Variants in TEKT5 observed in about 807,000 individuals in gnomAD.
TEKT5 encodes tektin-5.
Under a neutral mutation model 48.7 loss-of-function variants are expected in TEKT5, and 52 were observed. The ratio of observed to expected loss-of-function variants is 1.07; its 90% CI spans 0.86 to 1.35. TEKT5 has a LOEUF of 1.35. Among genes scored for constraint, TEKT5 ranks in the 40% most tolerant of loss-of-function variants. TEKT5 has a pLI of 0.00. For missense variants in TEKT5, 831 were observed against 641.6 expected (o/e 1.30, Z -3.19); for synonymous variants, 318 against 267.6 (o/e 1.19, Z -1.84).
chr16:10,635,900 G>C lies in TEKT5; in HGVS notation c.1105C>G (p.Gln369Glu), dbSNP rs1897906333. The C allele has an allele frequency of 6.2e-7, 1 of 1,613,848 alleles. No individual in the cohort carries two copies. Among genetic ancestry groups the C allele is most frequent in the Admixed American group, 1.7e-5 (1 of 60,006 alleles). ...AGCAGCATGATGGTGTTCTCGGCCT[G>C]GAAGATCTCCTGCAGCGTCTGCGAG... ...QLAKTLQEIF[Q>E]AENTIMLLER... Residue 369 changes from glutamine to glutamate, a missense_variant, in exon 6 of 7, where the codon CAG (glutamine) becomes GAG (glutamate). Coordinates refer to ENST00000283025, the MANE Select transcript of TEKT5 (RefSeq NM_144674.2).
At chr16:10,640,556 T>A (rs953244129) in intron 5 of TEKT5, among the ~76,000 whole-genome samples, 1 of 152,206 alleles carries the variant, frequency 6.6e-6, no homozygotes, top group Non-Finnish European at 1.5e-5. Context: ...ATCATCACCA[T>A]AATCAAGATA....
chr16:10,662,658 C>T (rs1381889185), intron 5 of TEKT5, among the ~76,000 whole-genome samples: 1 of 152,192 alleles, frequency 6.6e-6, no homozygotes, highest in African/African-American at 2.4e-5. Flanking sequence ...CTTTCTTTAC[C>T]CATGACTATC....
At chr16:10,660,897 C>T (rs187483358) in intron 5 of TEKT5, among the ~76,000 whole-genome samples, 75 of 152,188 alleles carry the variant, frequency 4.9e-4, no homozygotes, top group African/African-American at 1.8e-3. Flanking sequence ...GATGTGGTTT[C>T]GCCATGTTGG....
chr16:10,633,481 G>A (rs1307134879), intron 6 of TEKT5, among the ~76,000 whole-genome samples: 3 of 152,130 alleles, frequency 2.0e-5, no homozygotes, highest in Admixed American at 2.0e-4. Context: ...GCAGAGCCCA[G>A]CCCCCACTCT....
intron 5 of TEKT5, among the ~76,000 whole-genome samples, chr16:10,655,332 A>C (rs1274647878): frequency 6.6e-6 from 1 of 152,186 alleles, no homozygotes; most frequent in Non-Finnish European, 1.5e-5. Flanking sequence ...AACCCACCGG[A>C]ACTCCTGGTT....
chr16:10,678,374 G>C (rs538202897), intron 4 of TEKT5, among the ~76,000 whole-genome samples: 2 of 152,224 alleles, frequency 1.3e-5, no homozygotes, highest in South Asian at 4.2e-4. Context: ...TGGAATTACG[G>C]GTCTGAGCCA....
intron 4 of TEKT5, among the ~76,000 whole-genome samples, chr16:10,681,357 G>A (rs774535677): frequency 2.6e-5 from 4 of 151,138 alleles, no homozygotes; most frequent in African/African-American, 7.4e-5. Flanking sequence ...CACGTAGCCT[G>A]GCTCCAGATT....
In TEKT5 at chr16:10,649,318, C is replaced by T. The variant is rs144781043; in HGVS notation, c.1087-13400G>A. On this transcript the variant is annotated intron_variant, in intron 5 of 6. Transcript: ENST00000283025. ...TAGAGATGGGGTCTTGCTATGTTGC[C>T]CAGGCTGGTCTTGAACTCCTAGCCT... 8.5e-3 allele frequency among the ~76,000 whole-genome samples: 1,292 copies of T among 152,268 alleles called. 15 individuals are homozygous for T. Among genetic ancestry groups the T allele is most frequent in the African/African-American group, 0.029 (1,225 of 41,564 alleles).
At chr16:10,654,387 C>G (rs527935164) in intron 5 of TEKT5, among the ~76,000 whole-genome samples, 3 of 152,242 alleles carry the variant, frequency 2.0e-5, no homozygotes, top group African/African-American at 7.2e-5. Context: ...ACTGGCTTGA[C>G]TGGGTTAATT....
chr16:10,648,130 C>T (rs769616917), intron 5 of TEKT5, among the ~76,000 whole-genome samples: 7 of 152,150 alleles, frequency 4.6e-5, no homozygotes, highest in Non-Finnish European at 8.8e-5. Context: ...CAAAAAAAGG[C>T]ACCATGTCAG....
rs528991138 is a variant in TEKT5 at position 10,659,660 on chromosome 16, A to C, written c.1086+16299T>G. On this transcript the variant is annotated intron_variant, in intron 5 of 6. Transcript: ENST00000283025. Reference sequence around the variant, plus strand: ...ACAGGCGTGAGCCACCACACCTGGCAATACCTCACTTTAAAAAAAGTTTTA... The same window carrying C: ...ACAGGCGTGAGCCACCACACCTGGCCATACCTCACTTTAAAAAAAGTTTTA... Among the ~76,000 whole-genome samples the C allele has an allele frequency of 2.6e-5, 4 of 152,326 alleles. No individual in the cohort carries two copies. The East Asian group carries it at 7.7e-4, about 29-fold the overall frequency.
chr16:10,680,892 G>C (rs1467105405), intron 4 of TEKT5, among the ~76,000 whole-genome samples: 1 of 149,378 alleles, frequency 6.7e-6, no homozygotes, highest in Non-Finnish European at 1.5e-5. Flanking sequence ...ATAGCATTAG[G>C]AGATATACCT....
At chr16:10,684,185 G>C (rs1158187346) in intron 3 of TEKT5, among the ~76,000 whole-genome samples, 1 of 152,164 alleles carries the variant, frequency 6.6e-6, no homozygotes, top group Non-Finnish European at 1.5e-5. Context: ...AGAATTGTTA[G>C]AGTAGAGAAG....
chr16:10,657,394 C>G (rs1898279716), intron 5 of TEKT5, among the ~76,000 whole-genome samples: 1 of 152,170 alleles, frequency 6.6e-6, no homozygotes, highest in South Asian at 2.1e-4. Flanking sequence ...TTCCAAAGTG[C>G]TAGGATTACA....
intron 4 of TEKT5, among the ~76,000 whole-genome samples, chr16:10,676,725 A>G (rs375202859): frequency 5.3e-5 from 8 of 152,196 alleles, no homozygotes; most frequent in African/African-American, 1.4e-4. Flanking sequence ...CATTCATGGA[A>G]TATTTCTTCA....
At chr16:10,635,080 G>C (rs902825674) in intron 6 of TEKT5, among the ~76,000 whole-genome samples, 1 of 152,032 alleles carries the variant, frequency 6.6e-6, no homozygotes, top group African/African-American at 2.4e-5. Context: ...TGGCCAAGTG[G>C]TTTGCCCCAA....
intron 6 of TEKT5, 105 bp downstream of exon 6, chr16:10,635,659 G>A (rs1016154817): frequency 6.7e-6 from 10 of 1,490,386 alleles, no homozygotes; most frequent in Non-Finnish European, 9.0e-6. Context: ...ATTGAAGGAG[G>A]GTCCATTTTT....
rs142727515 is a variant in TEKT5, at chr16:10,694,636, T to C, written c.238A>G (p.Thr80Ala). 94 of 1,612,866 alleles carry C rather than the reference T, an allele frequency of 5.8e-5. No individual in the cohort carries two copies. The African/African-American group carries it at 1.1e-3, about 19-fold the overall frequency. ...CGAGAGAAGAGTGCGGAGCGCAGTGTGGGCAGGATGGTGGGCGGCCGCAGG... is the reference window on the plus strand; with the variant it reads ...CGAGAGAAGAGTGCGGAGCGCAGTGCGGGCAGGATGGTGGGCGGCCGCAGG... ...STLRPPTILP[T>A]LRSALFSRYS... The change falls in exon 1 of 7, where the codon ACA (threonine) becomes GCA (alanine). Residue 80 changes from threonine (T) to alanine (A), a missense_variant. Physicochemically the swap from Thr to Ala is moderately conservative, Grantham distance 58 (BLOSUM62 0). Transcript: ENST00000283025.
intron 5 of TEKT5, among the ~76,000 whole-genome samples, chr16:10,649,135 T>C (rs1461637515): frequency 6.6e-6 from 1 of 152,118 alleles, no homozygotes. Context: ...ATTTTGTTTG[T>C]AGAAATTGGA....
Sources: allele counts gnomAD v4.1 joint callset (sites outside exome capture counted in the v4.1 genomes callset), GRCh38; gene constraint gnomAD v4.1.1; transcripts MANE v1.5; gene names NCBI Gene and HGNC (gene_info 2026-07-23, HGNC 2026-07-21).